ZNF532: variants seen among roughly 807,000 people sequenced by gnomAD.
ZNF532 encodes the protein zinc finger protein 532.
ZNF532 carries 22 observed loss-of-function variants against 89.3 expected under a neutral mutation model. The observed-to-expected ratio is 0.25, with a 90% CI of 0.18 to 0.35. The LOEUF is 0.35. Ranked by LOEUF, ZNF532 falls within the 10% of genes least tolerant of loss-of-function variation. The pLI is 1.00. For missense variants in ZNF532, 1,132 were observed against 1,643.4 expected (o/e 0.69, Z 5.38); for synonymous variants, 606 against 649.6 (o/e 0.93, Z 1.02).
Position 58,945,653 on chromosome 18 carries a change from A to G in ZNF532, c.2706-2414A>G, listed in dbSNP as rs2063582038. Among the ~76,000 whole-genome samples the G allele has an allele frequency of 2.0e-5, 3 of 152,218 alleles. No homozygotes were observed. In the South Asian group the frequency reaches 6.2e-4, roughly 32 times the overall value. The stretch of plus-strand genomic sequence containing the variant: ...AAATAGTGATTTCTCAAAATGTGAA[A>G]ATTGAGTTCTCAGCAATTTCTTAGC... On this transcript the variant is annotated intron_variant, in intron 5 of 9. Coordinates refer to ENST00000591808, the MANE Select transcript of ZNF532 (RefSeq NM_001375912.1).
At chr18:58,908,946 A>G (rs1409490265) in intron 2 of ZNF532, among the ~76,000 whole-genome samples, 1 of 152,168 alleles carries the variant, frequency 6.6e-6, no homozygotes, top group Non-Finnish European at 1.5e-5. Context: ...GGTTTGTGAA[A>G]TGCTGCCTGA....
intron 3 of ZNF532, among the ~76,000 whole-genome samples, chr18:58,922,512 A>G (rs1015628558): frequency 1.3e-4 from 20 of 152,326 alleles, no homozygotes; most frequent in South Asian, 2.1e-4. Flanking sequence ...GAAAGCAGCA[A>G]CTTAGTTCAA....
intron 7 of ZNF532, among the ~76,000 whole-genome samples, chr18:58,959,433 TGTTTTTATA>T (rs2065136996): frequency 6.6e-6 from 1 of 152,056 alleles, no homozygotes; most frequent in Non-Finnish European, 1.5e-5. Flanking sequence ...CTAATTTTTG[TGTTTTTATA>T]GAGACGGTGT....
intron 2 of ZNF532, among the ~76,000 whole-genome samples, chr18:58,903,008 T>C (rs2059698505): frequency 6.6e-6 from 1 of 152,216 alleles, no homozygotes; most frequent in Admixed American, 6.5e-5. Flanking sequence ...AATATTAATT[T>C]AGTTTTTCCC....
intron 2 of ZNF532, among the ~76,000 whole-genome samples, chr18:58,869,290 G>A (rs912429173): frequency 6.6e-6 from 1 of 152,194 alleles, no homozygotes; most frequent in African/African-American, 2.4e-5. Flanking sequence ...AGAGATCGTA[G>A]TGAACATTGT....
intron 3 of ZNF532, among the ~76,000 whole-genome samples, chr18:58,921,480 A>T (rs1395749835): frequency 3.3e-5 from 5 of 152,198 alleles, no homozygotes; most frequent in African/African-American, 1.2e-4. Context: ...CTTACTTAAG[A>T]TGGTGGTCCA....
intron 2 of ZNF532, among the ~76,000 whole-genome samples, chr18:58,883,861 G>A (rs2058094481): frequency 1.3e-5 from 2 of 152,206 alleles, no homozygotes; most frequent in South Asian, 4.1e-4. Context: ...GAGAGCCACT[G>A]ACTTGAAGCC....
At chr18:58,978,844 AATTTT>A (rs1298192385) in intron 7 of ZNF532, among the ~76,000 whole-genome samples, 5 of 152,234 alleles carry the variant, frequency 3.3e-5, no homozygotes, top group African/African-American at 1.2e-4. Context: ...TTTATAAAAT[AATTTT>A]AATTTTGTGC....
rs147502529 is a variant in ZNF532 at position 58,920,534 on chromosome 18, G to C, written c.2247G>C (p.Leu749=). 847 of 1,613,910 alleles carry C rather than the reference G, an allele frequency of 5.2e-4. 8 individuals carry two copies. In the African/African-American group the frequency reaches 8.1e-3, roughly 15 times the overall value. Residue 749 remains leucine (L), a synonymous_variant, in exon 3 of 10, where the codon CTG becomes CTC. Coordinates refer to ENST00000591808, the MANE Select transcript of ZNF532 (RefSeq NM_001375912.1). ...CCCTAGATGAAGACCCCTCCAAACTGTGTAGACATAGTCTAAAATGTTTGG... is the reference window on the plus strand; with the variant it reads ...CCCTAGATGAAGACCCCTCCAAACTCTGTAGACATAGTCTAAAATGTTTGG... The part of the protein sequence containing the change: ...AMPLDEDPSK[L]CRHSLKCLEC...
intron 7 of ZNF532, among the ~76,000 whole-genome samples, chr18:58,963,641 GTGTGTA>G (rs1314621213): frequency 1.6e-5 from 2 of 124,594 alleles, no homozygotes; most frequent in East Asian, 4.9e-4. Flanking sequence ...GTGTGTGTGT[GTGTGTA>G]TGTATATAAA....
At chr18:58,892,526 A>G (rs1458282974) in intron 2 of ZNF532, among the ~76,000 whole-genome samples, 2 of 152,250 alleles carry the variant, frequency 1.3e-5, no homozygotes, top group Non-Finnish European at 2.9e-5. Context: ...GGCCTCCCAG[A>G]GGCCTTTGGT....
At chr18:58,945,789 G>A (rs185233529) in intron 5 of ZNF532, among the ~76,000 whole-genome samples, 25 of 151,396 alleles carry the variant, frequency 1.7e-4, no homozygotes, top group South Asian at 1.3e-3. Flanking sequence ...GTGCAGCAGC[G>A]TGGTCTCAGC....
intron 2 of ZNF532, among the ~76,000 whole-genome samples, chr18:58,877,979 G>T (rs1290820549): frequency 6.6e-6 from 1 of 152,154 alleles, no homozygotes; most frequent in Non-Finnish European, 1.5e-5. Flanking sequence ...GGTTGGCTGG[G>T]CATGGTGGCT....
At chr18:58,888,717 A>ATATAAAT (rs2058503482) in intron 2 of ZNF532, among the ~76,000 whole-genome samples, 2 of 49,520 alleles carry the variant, frequency 4.0e-5, no homozygotes, top group African/African-American at 2.1e-4. Flanking sequence ...ATATATATAT[A>ATATAAAT]TATATATAAA....
intron 5 of ZNF532, chr18:58,939,928 C>T (rs7239644): frequency 0.017 from 3,318 of 190,100 alleles, 75 homozygotes; most frequent in African/African-American, 0.055. Flanking sequence ...GAGTCTCGCT[C>T]TGTCGCCCAG....
chr18:58,877,240 G>T (rs1257853801), intron 2 of ZNF532, among the ~76,000 whole-genome samples: 1 of 152,196 alleles, frequency 6.6e-6, no homozygotes, highest in Non-Finnish European at 1.5e-5. Context: ...ACTTCATGTA[G>T]CAGTGTTGGA....
intron 2 of ZNF532, among the ~76,000 whole-genome samples, chr18:58,914,900 A>AT (rs1162647325): frequency 2.0e-5 from 3 of 152,240 alleles, no homozygotes; most frequent in African/African-American, 4.8e-5. Context: ...AAAAGAATCT[A>AT]TTTTTAAGAC....
chr18:58,981,638 G>A, intron 9 of ZNF532, 21 bp downstream of exon 9: 1 of 1,613,396 alleles, frequency 6.2e-7, no homozygotes. Context: ...GCAGATGTTT[G>A]CTTTACAGTG....
In ZNF532 at chr18:58,920,541, C is replaced by T; in HGVS notation, c.2254C>T (p.His752Tyr). 6.2e-7 allele frequency: 1 copy of T among 1,613,864 alleles called. No homozygotes were observed. Among genetic ancestry groups the T allele is most frequent in the African/African-American group, 1.3e-5 (1 of 75,048 alleles). ...TGAAGACCCCTCCAAACTGTGTAGACATAGTCTAAAATGTTTGGAGTGTAA... is the reference window on the plus strand; with the variant it reads ...TGAAGACCCCTCCAAACTGTGTAGATATAGTCTAAAATGTTTGGAGTGTAA... ...LDEDPSKLCRHSLKCLECNEV... is the reference protein window; with the variant it reads ...LDEDPSKLCRYSLKCLECNEV... The change falls in exon 3 of 10, where the codon CAT becomes TAT. Residue 752 changes from histidine (H) to tyrosine (Y), a missense_variant. By Grantham distance (83) the His-to-Tyr change is moderately conservative. This residue lies in a region of ZNF532 where 100 missense variants were observed against 122.0 expected (regional missense o/e 0.82). Coordinates refer to ENST00000591808, the MANE Select transcript of ZNF532 (RefSeq NM_001375912.1).
Sources: gnomAD v4.1 joint callset for allele counts (sites outside exome capture counted in the v4.1 genomes callset) on GRCh38, gnomAD v4.1.1 for gene constraint, gnomAD v4.1.1 regional missense constraint, MANE v1.5 for transcripts, NCBI Gene and HGNC (gene_info 2026-07-23, HGNC 2026-07-21) for gene names.